PGAP4: variants seen among roughly 807,000 people sequenced by gnomAD.
PGAP4 encodes GPI-N-acetylgalactosamine transferase PGAP4.
In PGAP4, 12 loss-of-function variants were observed where a neutral mutation model predicts 28.2. The ratio of observed to expected loss-of-function variants is 0.42; its 90% CI spans 0.27 to 0.69. The LOEUF (loss-of-function observed/expected upper bound fraction) is 0.69. Among genes scored for constraint, PGAP4 ranks in the 30% least tolerant of loss-of-function variants. PGAP4 has a pLI of 0.22. For synonymous variants in PGAP4, 205 were observed against 211.8 expected, an observed-to-expected ratio of 0.97 and a Z score of 0.28; for missense variants, 425 against 513.5, an observed-to-expected ratio of 0.83 and a Z score of 1.67.
intron 2 of PGAP4, among the ~76,000 whole-genome samples, chr9:101,506,755 C>T (rs1230030493): frequency 6.6e-6 from 1 of 152,040 alleles, no homozygotes. Flanking sequence ...TTCCCAAATT[C>T]CCTTAACATC....
At chr9:101,498,317 G>T (rs1272963819) in intron 2 of PGAP4, among the ~76,000 whole-genome samples, 1 of 151,628 alleles carries the variant, frequency 6.6e-6, no homozygotes, top group African/African-American at 2.4e-5. Flanking sequence ...GCACATGAGG[G>T]CAGGGAAGCA....
intron 2 of PGAP4, among the ~76,000 whole-genome samples, chr9:101,507,014 A>G (rs756486902): frequency 8.5e-5 from 13 of 152,090 alleles, no homozygotes; most frequent in Non-Finnish European, 1.5e-4. Context: ...TTACAGTGGT[A>G]TACCTATGAT....
At chr9:101,524,297 C>T (rs1051113983) in intron 2 of PGAP4, among the ~76,000 whole-genome samples, 1 of 151,924 alleles carries the variant, frequency 6.6e-6, no homozygotes, top group Non-Finnish European at 1.5e-5. Flanking sequence ...AGCTCCCATG[C>T]AAACCGAAGG....
intron 2 of PGAP4, among the ~76,000 whole-genome samples, chr9:101,515,320 C>A (rs776756656): frequency 6.6e-6 from 1 of 152,024 alleles, no homozygotes; most frequent in Non-Finnish European, 1.5e-5. Flanking sequence ...GCCTTTTTGC[C>A]TCTCTCTTAT....
At chr9:101,528,818 A>G (rs936593696) in intron 2 of PGAP4, among the ~76,000 whole-genome samples, 9 of 149,826 alleles carry the variant, frequency 6.0e-5, no homozygotes, top group Non-Finnish European at 1.2e-4. Context: ...TTTTAAGTTC[A>G]GAGGCACATG....
intron 2 of PGAP4, among the ~76,000 whole-genome samples, chr9:101,496,713 T>C (rs1264600703): frequency 6.6e-6 from 1 of 151,252 alleles, no homozygotes; most frequent in Non-Finnish European, 1.5e-5. Context: ...CCAAAAACAG[T>C]TATTTTAGTT....
At chr9:101,479,531 C>T (rs1330416543) in intron 1 of PGAP4, among the ~76,000 whole-genome samples, 1 of 152,068 alleles carries the variant, frequency 6.6e-6, no homozygotes, top group Non-Finnish European at 1.5e-5. Flanking sequence ...ACCTTTGGTC[C>T]CAGGGAATTT....
intron 2 of PGAP4, among the ~76,000 whole-genome samples, chr9:101,514,104 T>C (rs1826922672): frequency 6.6e-6 from 1 of 152,106 alleles, no homozygotes; most frequent in Non-Finnish European, 1.5e-5. Flanking sequence ...CTGATTCTTA[T>C]GCCAGTCACC....
intron 2 of PGAP4, among the ~76,000 whole-genome samples, chr9:101,495,594 G>T (rs535996699): frequency 6.7e-6 from 1 of 148,576 alleles, no homozygotes; most frequent in Non-Finnish European, 1.5e-5. Flanking sequence ...GTTTAAAACA[G>T]TTGTTTAAAA....
intron 2 of PGAP4, among the ~76,000 whole-genome samples, chr9:101,525,684 G>A (rs1305590817): frequency 5.0e-5 from 7 of 139,564 alleles, no homozygotes; most frequent in South Asian, 2.3e-4. Context: ...CTCCAGCCTC[G>A]GCAACAGAGC....
intron 2 of PGAP4, among the ~76,000 whole-genome samples, chr9:101,523,671 C>T (rs1487783973): frequency 1.1e-5 from 1 of 87,928 alleles, no homozygotes; most frequent in Non-Finnish European, 2.1e-5. Context: ...TTGCATTGGG[C>T]TTCGCCTTTC....
intron 2 of PGAP4, among the ~76,000 whole-genome samples, chr9:101,499,438 C>A (rs1248690162): frequency 6.6e-6 from 1 of 151,706 alleles, no homozygotes; most frequent in Non-Finnish European, 1.5e-5. Flanking sequence ...GGGAATAGAA[C>A]ATTGCAGTGG....
rs1410938980 is a variant in PGAP4, at chr9:101,475,754, G to A, written c.*127C>T. 9.5e-7 allele frequency: 1 copy of A among 1,055,788 alleles called. No individual in the cohort carries two copies. The allele number at this position is 1,055,788 out of a possible 1,614,324, so 65.4% of individuals were successfully genotyped here. A position where few individuals can be genotyped will look rare whatever the true frequency, so the allele number is the denominator to read the frequency against. ...CTTAACATATTGAGGTTCCTCAGCT[G>A]CCCCAGTGCCTATATCTCTAACAAC... On this transcript the variant is annotated 3_prime_UTR_variant, in exon 2 of 2. Transcript: ENST00000374848.
intron 2 of PGAP4, among the ~76,000 whole-genome samples, chr9:101,509,854 C>T (rs1424668525): frequency 4.7e-5 from 7 of 148,034 alleles, no homozygotes; most frequent in East Asian, 4.4e-4. Flanking sequence ...ACCAGAAAGC[C>T]GTCCAGTCAT....
intron 2 of PGAP4, among the ~76,000 whole-genome samples, chr9:101,515,141 T>C (rs527279429): frequency 2.0e-5 from 3 of 152,298 alleles, no homozygotes; most frequent in African/African-American, 7.2e-5. Flanking sequence ...ATGAGTGTTA[T>C]GGATTAAAAT....
intron 2 of PGAP4, among the ~76,000 whole-genome samples, chr9:101,510,867 T>C (rs1422748138): frequency 6.6e-6 from 1 of 152,054 alleles, no homozygotes; most frequent in Non-Finnish European, 1.5e-5. Context: ...ACAATTGAAG[T>C]ACCTCAACTT....
rs766166615 is a variant in PGAP4, at chr9:101,476,505, C to T, written c.588G>A (p.Glu196=). 6.2e-7 allele frequency: 1 copy of T among 1,614,202 alleles called. No homozygotes were observed. The highest frequency in any genetic ancestry group is 2.2e-5 in the East Asian group (1 of 44,870). The change falls in exon 2 of 2, where the codon GAG becomes GAA. Residue 196 remains glutamate, a synonymous_variant. Transcript: ENST00000374848. This position sits in a 1 kb window ranked among gnomAD's most constrained non-coding sequence, Gnocchi z 7.0. ...CTGGGTTGTAGGTCTGCAGGGATGA[C>T]TCCAGGCAATAGACATAGTCCTGCT... ...KEKQDYVYCL[E]SSLQTYNPDY...
At chr9:101,498,599 A>G (rs899738794) in intron 2 of PGAP4, among the ~76,000 whole-genome samples, 2 of 151,910 alleles carry the variant, frequency 1.3e-5, no homozygotes, top group Admixed American at 6.6e-5. Flanking sequence ...TAAAGTAGGA[A>G]GAAAAAAATA....
At chr9:101,485,918 TA>T (rs149059871) in intron 1 of PGAP4, among the ~76,000 whole-genome samples, 27,087 of 148,112 alleles carry the variant, frequency 0.18, 2,689 homozygotes, top group East Asian at 0.36. Flanking sequence ...AATTCACCCC[TA>T]AAAAAAAAAG....
Sources: gnomAD v4.1 joint callset for allele counts (sites outside exome capture counted in the v4.1 genomes callset) on GRCh38, gnomAD v4.1.1 for gene constraint, Gnocchi (gnomAD v3.1) non-coding constraint, MANE v1.5 for transcripts, NCBI Gene and HGNC (gene_info 2026-07-23, HGNC 2026-07-21) for gene names.